Variants in PNKD observed in about 807,000 individuals in gnomAD.
PNKD encodes probable thioesterase PNKD.
PNKD carries 36 observed loss-of-function variants against 45.3 expected under a neutral mutation model. That is an observed-to-expected ratio of 0.80 (90% CI 0.61 to 1.05). The LOEUF is 1.05. PNKD is among the 50% of genes least tolerant of loss of function. PNKD has a pLI of 0.00. For missense variants in PNKD, 511 were observed against 506.6 expected (o/e 1.01, Z -0.08); for synonymous variants, 197 against 210.1 (o/e 0.94, Z 0.54).
chr2:218,316,273 T>C (rs985186925), intron 2 of PNKD, among the ~76,000 whole-genome samples: 2 of 132,712 alleles, frequency 1.5e-5, no homozygotes. Flanking sequence ...TCTTTCTTTT[T>C]TTTTTTTTTT....
At chr2:218,282,151 C>G (rs113419042) in intron 2 of PNKD, 22 of 1,474,254 alleles carry the variant, frequency 1.5e-5, no homozygotes, top group South Asian at 1.0e-4. Context: ...TGGCTGCTCA[C>G]GGGCTGAGGG....
chr2:218,337,573 CCT>C (rs1358385928), intron 2 of PNKD, among the ~76,000 whole-genome samples: 2 of 152,304 alleles, frequency 1.3e-5, no homozygotes, highest in South Asian at 4.1e-4. Flanking sequence ...TCTTAGAACA[CCT>C]CTGTCTTTGT....
chr2:218,300,399 A>G (rs1380822779), intron 2 of PNKD, among the ~76,000 whole-genome samples: 4 of 152,172 alleles, frequency 2.6e-5, no homozygotes, highest in Non-Finnish European at 5.9e-5. Flanking sequence ...GCAAGCAATC[A>G]GAGAATTGCT....
At chr2:218,290,535 C>T (rs2106240797) in intron 2 of PNKD, among the ~76,000 whole-genome samples, 1 of 152,344 alleles carries the variant, frequency 6.6e-6, no homozygotes. Flanking sequence ...CGAGGGTCCT[C>T]CCCTTCCCCC....
chr2:218,323,599 G>A (rs1201959156), intron 2 of PNKD, among the ~76,000 whole-genome samples: 2 of 146,466 alleles, frequency 1.4e-5, no homozygotes, highest in Non-Finnish European at 3.0e-5. Flanking sequence ...GAGTTGGGGG[G>A]CCTGAGGGAT....
At position 218,342,048 on chromosome 2, in the gene PNKD, C is replaced by G; in HGVS notation, c.685C>G (p.His229Asp). ...GATCCGGGCCCTGGCTACACCTGGC[C>G]ACACACAAGGCCATCTGGTCTACCT... is the stretch of plus-strand genomic sequence containing the variant. Reference protein sequence around the residue: ...LQIRALATPGHTQGHLVYLLD... With the variant: ...LQIRALATPGDTQGHLVYLLD... Residue 229 changes from histidine (H) to aspartate (D), a missense_variant, in exon 7 of 10, where the codon CAC (histidine) becomes GAC (aspartate). Transcript: ENST00000273077. 6.2e-7 allele frequency: 1 copy of G among 1,613,330 alleles called. No homozygotes were observed. Among genetic ancestry groups the G allele is most frequent in the African/African-American group, 1.3e-5 (1 of 75,036 alleles).
intron 2 of PNKD, among the ~76,000 whole-genome samples, chr2:218,274,038 T>C (rs899181839): frequency 6.6e-6 from 1 of 152,048 alleles, no homozygotes; most frequent in Non-Finnish European, 1.5e-5. Flanking sequence ...CCCACCCAAC[T>C]CCTGAGCCTT....
chr2:218,333,144 C>T (rs868118300), intron 2 of PNKD, among the ~76,000 whole-genome samples: 2 of 152,210 alleles, frequency 1.3e-5, no homozygotes, highest in East Asian at 1.9e-4. Context: ...CTGACTAATC[C>T]GGTTTCTGGT....
intron 2 of PNKD, chr2:218,281,794 C>T (rs1008834990): frequency 2.0e-5 from 15 of 759,770 alleles, no homozygotes; most frequent in Non-Finnish European, 3.3e-5. Context: ...GTAACAAAGA[C>T]AGAAACAGAG....
At chr2:218,332,451 A>G (rs979991290) in intron 2 of PNKD, among the ~76,000 whole-genome samples, 37 of 152,174 alleles carry the variant, frequency 2.4e-4, no homozygotes, top group African/African-American at 8.7e-4. Context: ...AGCCTAAGCT[A>G]AGTGGCTTAG....
chr2:218,289,920 A>G (rs965896280), intron 2 of PNKD: 1 of 152,230 alleles, frequency 6.6e-6, no homozygotes, highest in East Asian at 1.9e-4. Context: ...TAAACAGTAT[A>G]TAACACTCTA....
In PNKD at chr2:218,340,660, T is replaced by C; in HGVS notation, c.466-68T>C. ...TCCTCTCCACCAGCGCCCACACTCC[T>C]GGCTCTTGCTGCTTCAAGTGCCTCT... On this transcript the variant is annotated intron_variant, in intron 4 of 9. Transcript: ENST00000273077. This position sits in a 1 kb window ranked among gnomAD's most constrained non-coding sequence, Gnocchi z 4.2. 1.7e-6 allele frequency: 2 copies of C among 1,163,500 alleles called. No individual in the cohort carries two copies. The highest frequency in any genetic ancestry group is 1.3e-6 in the Non-Finnish European group (1 of 769,034). The allele number at this position is 1,163,500 out of a possible 1,614,324, so 72.1% of individuals were successfully genotyped here.
At chr2:218,308,946 C>T (rs1425049506) in intron 2 of PNKD, among the ~76,000 whole-genome samples, 1 of 151,824 alleles carries the variant, frequency 6.6e-6, no homozygotes, top group Admixed American at 6.6e-5. Context: ...CTCTCTTTCT[C>T]CTTCCTTCCT....
intron 2 of PNKD, chr2:218,275,583 C>T (rs754982758): frequency 6.8e-6 from 11 of 1,613,818 alleles, no homozygotes; most frequent in Non-Finnish European, 9.3e-6. Context: ...TGGTGTGCTT[C>T]CGGTTCCCCA....
chr2:218,277,501 A>G (rs1401389865), intron 2 of PNKD: 4 of 1,609,848 alleles, frequency 2.5e-6, no homozygotes, highest in African/African-American at 1.3e-5. Flanking sequence ...GCCACGTATG[A>G]ATGACTTCAA....
At chr2:218,299,956 T>G (rs1187617738) in intron 2 of PNKD, among the ~76,000 whole-genome samples, 2 of 150,648 alleles carry the variant, frequency 1.3e-5, no homozygotes, top group African/African-American at 4.9e-5. Context: ...GGGGTCTCCA[T>G]ATGTTGCCTA....
At chr2:218,277,181 G>T (rs1208471930) in intron 2 of PNKD, 2 of 1,289,748 alleles carry the variant, frequency 1.6e-6, no homozygotes, top group African/African-American at 2.9e-5. Context: ...GGGAGTCCCA[G>T]TGCTGCCTCC....
At position 218,339,819 on chromosome 2, in the gene PNKD, C is replaced by T. The variant is rs550380646; in HGVS notation, c.273C>T (p.Leu91=). The change falls in exon 3 of 10, where the codon CTC becomes CTT. Residue 91 remains leucine (L), a synonymous_variant. Coordinates refer to ENST00000273077, the MANE Select transcript of PNKD (RefSeq NM_015488.5). ...SLYTRTWLGY[L]FYRQQLRRAR... ...ACACCCGCACCTGGCTCGGGTACCT[C>T]TTCTACCGACAGCAGCTGCGCAGGG... The T allele has an allele frequency of 1.2e-6, 2 of 1,613,956 alleles. No individual in the cohort carries two copies. Among genetic ancestry groups the T allele is most frequent in the South Asian group, 2.2e-5 (2 of 91,062 alleles).
chr2:218,281,141 G>GTGTTTTTTTTTGGT (rs1691931057), intron 2 of PNKD: 1 of 95,702 alleles, frequency 1.0e-5, no homozygotes, highest in South Asian at 2.6e-4. Context: ...TTTTTTTTTG[G>GTGTTTTTTTTTGGT]TTTTTTTTTT....
Sources: allele counts gnomAD v4.1 joint callset (sites outside exome capture counted in the v4.1 genomes callset), GRCh38; gene constraint gnomAD v4.1.1; non-coding constraint Gnocchi (gnomAD v3.1); transcripts MANE v1.5; gene names NCBI Gene and HGNC (gene_info 2026-07-23, HGNC 2026-07-21).